HTRA3: variants seen among roughly 807,000 people sequenced by gnomAD.
The protein encoded by HTRA3 is serine protease HTRA3.
HTRA3 carries 41 observed loss-of-function variants against 43.2 expected under a neutral mutation model. The observed-to-expected ratio is 0.95, with a 90% confidence interval of 0.74 to 1.23. The LOEUF is 1.23. Among genes scored for constraint, HTRA3 ranks in the 50% most tolerant of loss-of-function variants. HTRA3 has a pLI of 0.00. For synonymous variants in HTRA3, 295 were observed against 287.9 expected (o/e 1.02, Z -0.25); for missense variants, 628 against 647.1 (o/e 0.97, Z 0.32).
chr4:8,271,630 T>C (rs940931029), intron 1 of HTRA3, among the ~76,000 whole-genome samples: 1 of 152,110 alleles, frequency 6.6e-6, no homozygotes, highest in Admixed American at 6.5e-5. Context: ...GGCTGGAAAG[T>C]TCAAGACCAA....
At chr4:8,275,046 C>T (rs544021110) in intron 1 of HTRA3, among the ~76,000 whole-genome samples, 7 of 152,202 alleles carry the variant, frequency 4.6e-5, no homozygotes, top group South Asian at 4.2e-4. Flanking sequence ...CGCCCACTCC[C>T]GCTGGGGCTG....
chr4:8,306,305 C>T lies in HTRA3; in HGVS notation c.*169C>T. 1 of 653,128 alleles carries T rather than the reference C, an allele frequency of 1.5e-6. No homozygotes were observed. The highest frequency in any genetic ancestry group is 2.2e-5 in the South Asian group (1 of 45,430). 40.5% of individuals were successfully genotyped at this position (653,128 alleles called of 1,614,324 possible). A position where few individuals can be genotyped will look rare whatever the true frequency, so the allele number is the denominator to read the frequency against. On this transcript the variant is annotated 3_prime_UTR_variant, in exon 9 of 9. Coordinates refer to ENST00000307358, the MANE Select transcript of HTRA3 (RefSeq NM_053044.5). The surrounding 1 kb of genome is among the most constrained non-coding windows in gnomAD (Gnocchi z 8.9). ...GCTTGGCCAGGGGCCCGAATTTCCG[C>T]CTGGGGAGTGTTGGATCCACATCCC... is the stretch of plus-strand genomic sequence containing the variant.
intron 3 of HTRA3, among the ~76,000 whole-genome samples, chr4:8,287,240 G>A (rs1411888252): frequency 6.6e-6 from 1 of 152,060 alleles, no homozygotes; most frequent in Non-Finnish European, 1.5e-5. Flanking sequence ...ACCCAGAAGA[G>A]GCCTGCACTG....
intron 1 of HTRA3, among the ~76,000 whole-genome samples, chr4:8,272,225 C>T (rs114516183): frequency 0.027 from 4,143 of 152,272 alleles, 173 homozygotes; most frequent in African/African-American, 0.094. Context: ...TCATGAGGCA[C>T]TTTCTCTGTG....
In HTRA3 at chr4:8,300,744, CATTG is replaced by C. The variant is rs138071169; in HGVS notation, c.1052-1715_1052-1712del. ...CTTTATTTCATTGATTTACACTCTTCATTGATTCACACTCATCTTTATTATGGAT... is the reference window on the plus strand; with the variant it reads ...CTTTATTTCATTGATTTACACTCTTCATTCACACTCATCTTTATTATGGAT... On this transcript the variant is annotated intron_variant, in intron 6 of 8. Coordinates refer to ENST00000307358, the MANE Select transcript of HTRA3 (RefSeq NM_053044.5). 6.4e-3 allele frequency among the ~76,000 whole-genome samples: 974 copies of C among 152,240 alleles called. 22 individuals carry two copies. Among genetic ancestry groups the C allele is most frequent in the East Asian group, 0.06 (310 of 5,184 alleles).
intron 5 of HTRA3, among the ~76,000 whole-genome samples, chr4:8,293,062 G>T (rs892150275): frequency 4.6e-5 from 7 of 152,186 alleles, no homozygotes; most frequent in Non-Finnish European, 8.8e-5. Flanking sequence ...CATGAGCATT[G>T]CAGGAGGCTC....
rs1578805797 is a variant in HTRA3, at chr4:8,297,614, T to A, written c.1051+3413T>A. Among the ~76,000 whole-genome samples, 3 of 152,042 alleles carry A rather than the reference T, an allele frequency of 2.0e-5. No individual in the cohort carries two copies. In the East Asian group the frequency reaches 5.8e-4, roughly 30 times the overall value. On this transcript the variant is annotated intron_variant, in intron 6 of 8. Coordinates refer to ENST00000307358, the MANE Select transcript of HTRA3 (RefSeq NM_053044.5). This position sits in a 1 kb window ranked among gnomAD's most constrained non-coding sequence, Gnocchi z 5.8. ...GACCTCTCTGAGGAGGTGACCCACC[T>A]CCAGCAGAGACTGTGGGAAGGGAGT...
At chr4:8,302,389 C>T (rs1160407686) in intron 6 of HTRA3, 74 bp from the exon 7 acceptor site, 3 of 1,395,444 alleles carry the variant, frequency 2.1e-6, no homozygotes, top group Non-Finnish European at 3.1e-6. Flanking sequence ...CTTCTGTCCT[C>T]TGCCTGTCCC....
intron 1 of HTRA3, among the ~76,000 whole-genome samples, chr4:8,278,054 G>A (rs1248967532): frequency 6.6e-6 from 1 of 152,192 alleles, no homozygotes; most frequent in African/African-American, 2.4e-5. Context: ...TTGTCAGTAA[G>A]GGCCTGGAGT....
chr4:8,287,430 G>T (rs578240355), intron 3 of HTRA3, among the ~76,000 whole-genome samples: 10 of 152,278 alleles, frequency 6.6e-5, no homozygotes, highest in African/African-American at 2.4e-4. Flanking sequence ...AAGAAAAGAG[G>T]GTTCGTTGAC....
chr4:8,282,348 C>A, intron 1 of HTRA3, 89 bp from the exon 2 acceptor site: 1 of 1,012,898 alleles, frequency 9.9e-7, no homozygotes. Context: ...TCAGGAAGAG[C>A]CTCCTCCTTC....
rs1578790140 is a variant in HTRA3, at chr4:8,278,718, G to A, written c.386-3719G>A. On this transcript the variant is annotated intron_variant, in intron 1 of 8. Transcript: ENST00000307358. ...GCCCTGCAGGGGTGCCCCAGGCTCT[G>A]GGGTTGCCTAGACCCTGAAATCCAG... 4.6e-5 allele frequency among the ~76,000 whole-genome samples: 7 copies of A among 152,308 alleles called. No homozygotes were observed. The South Asian group carries it at 1.5e-3, about 32-fold the overall frequency.
chr4:8,272,754 C>T (rs1712341090), intron 1 of HTRA3, among the ~76,000 whole-genome samples: 1 of 152,210 alleles, frequency 6.6e-6, no homozygotes, highest in African/African-American at 2.4e-5. Flanking sequence ...ATGGGCAAGG[C>T]AGAGACCTGC....
At position 8,270,488 on chromosome 4, in the gene HTRA3, C is replaced by G. The variant is rs1180065745; in HGVS notation, c.385+135C>G. On this transcript the variant is annotated intron_variant, in intron 1 of 8. Coordinates refer to ENST00000307358, the MANE Select transcript of HTRA3 (RefSeq NM_053044.5). ...GCCCTTCAGAAATCATCCCACCAGCCCTCTGGTCTTTCAGATGAAGAAACT... is the reference window on the plus strand; with the variant it reads ...GCCCTTCAGAAATCATCCCACCAGCGCTCTGGTCTTTCAGATGAAGAAACT... 12 of 1,003,246 alleles carry G rather than the reference C, an allele frequency of 1.2e-5. No homozygotes were observed. In the African/African-American group the frequency reaches 1.9e-4, roughly 16 times the overall value. 62.1% of individuals were successfully genotyped at this position (1,003,246 alleles called of 1,614,324 possible). A position where few individuals can be genotyped will look rare whatever the true frequency, so the allele number is the denominator to read the frequency against.
chr4:8,290,239 C>T (rs765196519), intron 3 of HTRA3, among the ~76,000 whole-genome samples: 1 of 152,254 alleles, frequency 6.6e-6, no homozygotes, highest in Non-Finnish European at 1.5e-5. Context: ...TAATCCTGTG[C>T]GGGGCTCCAC....
intron 6 of HTRA3, among the ~76,000 whole-genome samples, chr4:8,300,690 T>C (rs1029203305): frequency 2.6e-5 from 4 of 152,222 alleles, no homozygotes; most frequent in Non-Finnish European, 5.9e-5. Context: ...TTATTTTCAC[T>C]ATTGTGTTTC....
intron 6 of HTRA3, among the ~76,000 whole-genome samples, chr4:8,299,568 A>G (rs936096647): frequency 1.3e-5 from 2 of 152,146 alleles, no homozygotes; most frequent in African/African-American, 4.8e-5. Context: ...TTGGGGAGAA[A>G]ACATTCAGTC....
Position 8,306,705 on chromosome 4 carries a change from A to G in HTRA3, c.*569A>G, listed in dbSNP as rs1445804743. 1 of 152,508 alleles carries G rather than the reference A, an allele frequency of 6.6e-6. No homozygotes were observed. The highest frequency in any genetic ancestry group is 2.4e-5 in the African/African-American group (1 of 41,448). The allele number at this position is 152,508 out of a possible 1,614,324, so 9.4% of individuals were successfully genotyped here. ...CCAGCCCAGAGCAGGCACTGAGTGA[A>G]TGCCCCCTGGCTGCGGAGCTGAGCC... On this transcript the variant is annotated 3_prime_UTR_variant, in exon 9 of 9. Transcript: ENST00000307358. The surrounding 1 kb of genome is among the most constrained non-coding windows in gnomAD (Gnocchi z 8.9).
chr4:8,274,539 A>C (rs1712440802), intron 1 of HTRA3, among the ~76,000 whole-genome samples: 1 of 152,146 alleles, frequency 6.6e-6, no homozygotes, highest in Non-Finnish European at 1.5e-5. Context: ...TGATGTGTGA[A>C]TCTCCTCTAA....
Sources: gnomAD v4.1 joint callset for allele counts (sites outside exome capture counted in the v4.1 genomes callset) on GRCh38, gnomAD v4.1.1 for gene constraint, Gnocchi (gnomAD v3.1) non-coding constraint, MANE v1.5 for transcripts, NCBI Gene and HGNC (gene_info 2026-07-23, HGNC 2026-07-21) for gene names.